Variants in ZNF394 observed in about 807,000 individuals in gnomAD.
The protein encoded by ZNF394 is zinc finger protein 99.
ZNF394 carries 19 observed loss-of-function variants against 21.8 expected under a neutral mutation model. The ratio of observed to expected loss-of-function variants is 0.87; its 90% CI spans 0.61 to 1.28. The LOEUF (loss-of-function observed/expected upper bound fraction) is 1.28. ZNF394 is among the 50% of genes most tolerant of loss of function. The pLI, the probability that ZNF394 is intolerant of heterozygous loss-of-function variation, is 0.00. For synonymous variants in ZNF394, 294 were observed against 273.3 expected, an observed-to-expected ratio of 1.08 and a Z score of -0.75; for missense variants, 683 against 708.6, an observed-to-expected ratio of 0.96 and a Z score of 0.41.
chr7:99,491,771 C>CACAAAA (rs1663811303), downstream of ZNF394, among the ~76,000 whole-genome samples: 1 of 34,966 alleles, frequency 2.9e-5, no homozygotes. Context: ...GAATCTGTCT[C>CACAAAA]AAAAAAAAAA....
downstream of ZNF394, among the ~76,000 whole-genome samples, chr7:99,488,887 C>T (rs1014826157): frequency 4.1e-5 from 6 of 146,126 alleles, no homozygotes; most frequent in African/African-American, 5.1e-5. Flanking sequence ...GCTGAGATTG[C>T]GCCACTGCAC....
chr7:99,492,468 C>T, downstream of ZNF394, among the ~76,000 whole-genome samples: 1 of 151,278 alleles, frequency 6.6e-6, no homozygotes, highest in Admixed American at 6.6e-5. Flanking sequence ...AGTGAAACCC[C>T]ATCTCTACTA....
At chr7:99,487,036 A>G in intron 1 of ZNF394, 1 of 1,614,100 alleles carries the variant, frequency 6.2e-7, no homozygotes, top group Non-Finnish European at 8.5e-7. Context: ...TGTTGAACAT[A>G]AGAGGATTCA....
intron 2 of ZNF394, among the ~76,000 whole-genome samples, chr7:99,496,199 G>A (rs1018958492): frequency 1.0e-4 from 15 of 150,264 alleles, no homozygotes; most frequent in African/African-American, 3.4e-4. Flanking sequence ...AGGTGTTTTA[G>A]TAGACGGGGT....
rs969071382 is a variant in ZNF394, at chr7:99,498,808, A to T, written c.491T>A (p.Leu164Gln). ...MVTFEDTAVSLTWEEWERLDP... is the reference protein window; with the variant it reads ...MVTFEDTAVSQTWEEWERLDP... ...CAGGCGCTCCCACTCCTCCCAGGTT[A>T]GAGACACAGCCGTGTCCTCGAAAGT... Residue 164 changes from leucine (L) to glutamine (Q), a missense_variant, in exon 2 of 3, where the codon CTA becomes CAA. By Grantham distance (113) the Leu-to-Gln change is moderately radical. Transcript: ENST00000337673. The T allele has an allele frequency of 1.9e-6, 3 of 1,613,942 alleles. No homozygotes were observed. The highest frequency in any genetic ancestry group is 2.5e-6 in the Non-Finnish European group (3 of 1,180,000).
exon 2 of ZNF394, chr7:99,486,828 T>A (rs1353671047): frequency 6.2e-7 from 1 of 1,614,200 alleles, no homozygotes. Flanking sequence ...GCAGTGAATG[T>A]GGAAAAGTCA....
chr7:99,492,503 G>A (rs957883119), downstream of ZNF394, among the ~76,000 whole-genome samples: 1 of 151,732 alleles, frequency 6.6e-6, no homozygotes, highest in African/African-American at 2.4e-5. Flanking sequence ...AGCTGGGCAT[G>A]GCATGGTGCA....
downstream of ZNF394, among the ~76,000 whole-genome samples, chr7:99,490,826 C>T (rs1383782036): frequency 6.6e-6 from 1 of 151,954 alleles, no homozygotes; most frequent in Non-Finnish European, 1.5e-5. Flanking sequence ...TGAACAGTCA[C>T]ATCCAAAGCG....
chr7:99,487,277 T>G (rs374329986), intron 1 of ZNF394: 22 of 1,614,066 alleles, frequency 1.4e-5, no homozygotes, highest in Non-Finnish European at 1.9e-5. Context: ...AATGTGGATC[T>G]CATTCAGCAT....
Position 99,493,896 on chromosome 7 carries a change from T to C in ZNF394, c.1319A>G (p.Lys440Arg), listed in dbSNP as rs778860202. 4.3e-5 allele frequency: 70 copies of C among 1,614,138 alleles called. No individual in the cohort carries two copies. The South Asian group carries it at 6.0e-4, about 14-fold the overall frequency. The stretch of plus-strand genomic sequence containing the variant: ...CCCGCATTCCTCACATTTAAAATGT[T>C]TGTCTCTACTGTGGGTACTTTGATG... ...NRHQSTHSRD[K>R]HFKCEECGET... The change falls in exon 3 of 3, where the codon AAA becomes AGA. Residue 440 changes from lysine to arginine, a missense_variant. This residue lies in a region of ZNF394 where 274 missense variants were observed against 314.1 expected (regional missense o/e 0.87). Coordinates refer to ENST00000337673, the MANE Select transcript of ZNF394 (RefSeq NM_032164.4).
In ZNF394 at chr7:99,493,591, G is replaced by A. The variant is rs754036111; in HGVS notation, c.1624C>T (p.Arg542Ter). Residue 542 changes from arginine to a stop codon, truncating the protein, a stop_gained, in exon 3 of 3, where the codon CGA becomes TGA. Transcript: ENST00000337673. LOFTEE classifies it high-confidence loss of function. The stretch of plus-strand genomic sequence containing the variant: ...TTATTTTGATGAATTCTTTGGTGTC[G>A]GATAAGGTGTGTACTTTGTCTAAAT... ...ERFRQSTHLI[R>*]HQRIHQNKVL... The A allele has an allele frequency of 1.5e-5, 24 of 1,614,068 alleles. No homozygotes were observed. Among genetic ancestry groups the A allele is most frequent in the Non-Finnish European group, 1.9e-5 (22 of 1,179,986 alleles).
At chr7:99,496,124 ATAGTAGGTATTT>A (rs1230777358) in intron 2 of ZNF394, among the ~76,000 whole-genome samples, 4 of 150,232 alleles carry the variant, frequency 2.7e-5, no homozygotes, top group Non-Finnish European at 5.9e-5. Flanking sequence ...AGTAGGTATT[ATAGTAGGTATTT>A]TAGTAGGTAT....
chr7:99,489,983 C>A (rs1458684176), downstream of ZNF394, among the ~76,000 whole-genome samples: 3 of 151,536 alleles, frequency 2.0e-5, no homozygotes, highest in East Asian at 5.9e-4. Flanking sequence ...CCAGCCTGGG[C>A]GACAGAGTGA....
intron 1 of ZNF394, among the ~76,000 whole-genome samples, chr7:99,487,877 C>A (rs1800057400): frequency 6.6e-6 from 1 of 151,756 alleles, no homozygotes. Context: ...TCAAGACCAT[C>A]CTGGCTAACA....
chr7:99,491,380 A>G (rs1268890775), downstream of ZNF394, among the ~76,000 whole-genome samples: 1 of 152,162 alleles, frequency 6.6e-6, no homozygotes, highest in African/African-American at 2.4e-5. Context: ...TTTTCTTATC[A>G]TATTTGGTCT....
At chr7:99,491,810 C>CA (rs1800167058), downstream of ZNF394, among the ~76,000 whole-genome samples, 2 of 140,542 alleles carry the variant, frequency 1.4e-5, no homozygotes, top group Non-Finnish European at 3.0e-5. Context: ...CACAGTGGCT[C>CA]CAGCCTGTAA....
At chr7:99,493,225 G>A, downstream of ZNF394, 1 of 1,085,364 alleles carries the variant, frequency 9.2e-7, no homozygotes. Flanking sequence ...AAAGAAACAG[G>A]CCAAGTCACA....
At chr7:99,486,582 A>G in exon 2 of ZNF394, 1 of 1,614,174 alleles carries the variant, frequency 6.2e-7, no homozygotes, top group East Asian at 2.2e-5. Context: ...CAGCTGAGAA[A>G]CTTTCAGAAA....
In ZNF394 at chr7:99,500,012, C is replaced by T. The variant is rs770440444; in HGVS notation, c.82G>A (p.Ala28Thr). Residue 28 changes from alanine to threonine, a missense_variant, in exon 1 of 3, where the codon GCG (alanine) becomes ACG (threonine). By Grantham distance (58) the Ala-to-Thr change is moderately conservative. Transcript: ENST00000337673. The stretch of plus-strand genomic sequence containing the variant: ...AGTCCGTCGCGTTGGGACGGCGCCG[C>T]GTCCTTGGACCTCGCAGCCATCACC... Reference protein sequence around the residue: ...PWVMAARSKDAAPSQRDGLLP... With the variant: ...PWVMAARSKDTAPSQRDGLLP... 6 of 1,608,352 alleles carry T rather than the reference C, an allele frequency of 3.7e-6. No homozygotes were observed. In the South Asian group the frequency reaches 6.6e-5, roughly 18 times the overall value.
Sources: gnomAD v4.1 joint callset for allele counts (sites outside exome capture counted in the v4.1 genomes callset) on GRCh38, gnomAD v4.1.1 for gene constraint, gnomAD v4.1.1 regional missense constraint, MANE v1.5 for transcripts, NCBI Gene and HGNC (gene_info 2026-07-23, HGNC 2026-07-21) for gene names.